DENND5B: variants seen among roughly 807,000 people sequenced by gnomAD.
The protein encoded by DENND5B is DENN domain-containing protein 5B.
DENND5B carries 34 observed loss-of-function variants against 140.6 expected under a neutral mutation model. The observed-to-expected ratio is 0.24, with a 90% CI of 0.18 to 0.32. The LOEUF is 0.32. DENND5B is among the 10% of genes least tolerant of loss of function. The pLI, the probability that DENND5B is intolerant of heterozygous loss-of-function variation, is 1.00. For missense variants in DENND5B, 1,142 were observed against 1,560.2 expected (o/e 0.73, Z 4.52); for synonymous variants, 551 against 562.1 (o/e 0.98, Z 0.28).
At chr12:31,589,825 C>T (rs987349054) in intron 1 of DENND5B, 1 of 152,152 alleles carries the variant, frequency 6.6e-6, no homozygotes, top group Admixed American at 6.5e-5. Context: ...GTTGTTTCTC[C>T]CCGGCCTCCT....
chr12:31,514,830 A>AT (rs1367536840), intron 1 of DENND5B, among the ~76,000 whole-genome samples: 29 of 133,852 alleles, frequency 2.2e-4, no homozygotes, highest in South Asian at 1.0e-3. Context: ...TCAAAAAAAA[A>AT]AAAAAATTAA....
chr12:31,472,824 C>T (rs1179892209), intron 3 of DENND5B, among the ~76,000 whole-genome samples: 3 of 152,080 alleles, frequency 2.0e-5, no homozygotes, highest in Non-Finnish European at 4.4e-5. Flanking sequence ...GCCAAGATAC[C>T]TTGCTGAACA....
intron 11 of DENND5B, among the ~76,000 whole-genome samples, chr12:31,415,733 T>C (rs1942702058): frequency 6.6e-6 from 1 of 152,180 alleles, no homozygotes; most frequent in African/African-American, 2.4e-5. Flanking sequence ...ATTACAGGTG[T>C]GCACCACCAC....
At chr12:31,525,708 G>A (rs1327222971) in intron 1 of DENND5B, among the ~76,000 whole-genome samples, 3 of 152,162 alleles carry the variant, frequency 2.0e-5, no homozygotes, top group African/African-American at 7.2e-5. Context: ...AAAATTCTAT[G>A]AGGTCAGGCA....
intron 17 of DENND5B, among the ~76,000 whole-genome samples, chr12:31,395,956 A>C (rs1441063970): frequency 2.6e-5 from 4 of 151,308 alleles, no homozygotes; most frequent in African/African-American, 9.7e-5. Context: ...AAAAAAAAAA[A>C]AAAAAAAGCA....
At chr12:31,398,526 T>C (rs1013455629) in intron 16 of DENND5B, among the ~76,000 whole-genome samples, 164 bp from the exon 17 acceptor site, 2 of 152,144 alleles carry the variant, frequency 1.3e-5, no homozygotes, top group Admixed American at 1.3e-4. Flanking sequence ...GGTCTTGAAC[T>C]CTTGGCCTCA....
chr12:31,450,845 C>T (rs1339706243), intron 5 of DENND5B, among the ~76,000 whole-genome samples: 2 of 151,968 alleles, frequency 1.3e-5, no homozygotes, highest in Non-Finnish European at 2.9e-5. Context: ...CTAAACTGTA[C>T]CCTGGTGACC....
chr12:31,540,463 G>A (rs1948647866), intron 1 of DENND5B, among the ~76,000 whole-genome samples: 1 of 152,136 alleles, frequency 6.6e-6, no homozygotes, highest in African/African-American at 2.4e-5. Context: ...AGACCAGCCT[G>A]GCCAACATGG....
intron 1 of DENND5B, among the ~76,000 whole-genome samples, chr12:31,529,298 C>T (rs1219170185): frequency 1.3e-5 from 2 of 152,054 alleles, no homozygotes; most frequent in Non-Finnish European, 2.9e-5. Flanking sequence ...ATCTTATAAC[C>T]TCAGTCATCC....
chr12:31,405,894 C>T (rs962720340), intron 14 of DENND5B, among the ~76,000 whole-genome samples: 4 of 147,548 alleles, frequency 2.7e-5, no homozygotes, highest in African/African-American at 5.0e-5. Context: ...TGCCCAGGCT[C>T]GAGTGCAGTG....
intron 2 of DENND5B, among the ~76,000 whole-genome samples, chr12:31,482,350 C>G (rs1321031145): frequency 1.3e-5 from 2 of 152,204 alleles, no homozygotes; most frequent in Non-Finnish European, 2.9e-5. Flanking sequence ...ATAGGCAACT[C>G]AAACTTACCA....
chr12:31,411,919 A>C (rs376830327), intron 13 of DENND5B, among the ~76,000 whole-genome samples: 1 of 152,208 alleles, frequency 6.6e-6, no homozygotes, highest in East Asian at 1.9e-4. Flanking sequence ...TTAGCCTTCA[A>C]ATTAGCACTA....
intron 2 of DENND5B, among the ~76,000 whole-genome samples, chr12:31,488,924 G>T (rs1393984702): frequency 1.3e-5 from 2 of 152,188 alleles, no homozygotes; most frequent in Non-Finnish European, 2.9e-5. Flanking sequence ...TTTAGCCAAA[G>T]CAGGCTTATA....
chr12:31,440,416 C>T (rs1943980382), intron 7 of DENND5B, among the ~76,000 whole-genome samples: 1 of 152,142 alleles, frequency 6.6e-6, no homozygotes, highest in Non-Finnish European at 1.5e-5. Flanking sequence ...TGAAACCCTG[C>T]AAACTAAGGC....
chr12:31,448,614 C>G (rs61930288), intron 5 of DENND5B, among the ~76,000 whole-genome samples: 1 of 152,184 alleles, frequency 6.6e-6, no homozygotes, highest in Middle Eastern at 3.2e-3. Context: ...CTTTTCTAGA[C>G]TCTTTAACTC....
intron 8 of DENND5B, among the ~76,000 whole-genome samples, chr12:31,429,927 G>A (rs879619888): frequency 6.6e-6 from 1 of 151,822 alleles, no homozygotes; most frequent in African/African-American, 2.4e-5. Context: ...GGCTGGTCTC[G>A]AACTCCCGAT....
chr12:31,414,915 C>T (rs1432921293), intron 12 of DENND5B, among the ~76,000 whole-genome samples: 2 of 135,842 alleles, frequency 1.5e-5, no homozygotes, highest in Non-Finnish European at 3.3e-5. Context: ...GAATGAGACG[C>T]CATCTCAAAA....
chr12:31,500,580 C>T (rs866362065), intron 1 of DENND5B: 1 of 295,118 alleles, frequency 3.4e-6, no homozygotes, highest in Non-Finnish European at 6.5e-6. Context: ...CTCAGGAAGG[C>T]CAGGCAGGAG....
chr12:31,526,829 A>G (rs557899743), intron 1 of DENND5B, among the ~76,000 whole-genome samples: 49 of 152,368 alleles, frequency 3.2e-4, no homozygotes, highest in African/African-American at 9.6e-4. Context: ...GGAATTCTAC[A>G]CTGTCTTTGG....
Sources: allele counts gnomAD v4.1 joint callset (sites outside exome capture counted in the v4.1 genomes callset), GRCh38; gene constraint gnomAD v4.1.1; transcripts MANE v1.5; gene names NCBI Gene and HGNC (gene_info 2026-07-23, HGNC 2026-07-21).